The following KCNMA1 variants were observed in gnomAD, a reference collection of about 807,000 sequenced individuals.
KCNMA1 encodes potassium calcium-activated channel subfamily M alpha 1.
A neutral mutation model predicts 140.0 loss-of-function variants in KCNMA1; 29 were observed. The ratio of observed to expected loss-of-function variants is 0.21; its 90% CI spans 0.15 to 0.28. The LOEUF (loss-of-function observed/expected upper bound fraction) is 0.28. Among genes scored for constraint, KCNMA1 ranks in the 10% least tolerant of loss-of-function variants. The pLI is 1.00. For missense variants in KCNMA1, 880 were observed against 1,602.2 expected (o/e 0.55, Z 7.70); for synonymous variants, 612 against 611.9 (o/e 1.00, Z 0.00).
At chr10:77,322,336 G>A (rs898201671) in intron 2 of KCNMA1, among the ~76,000 whole-genome samples, 3 of 152,218 alleles carry the variant, frequency 2.0e-5, no homozygotes, top group Admixed American at 1.3e-4. Context: ...GAGACTTCAT[G>A]ATGTTGTTAC....
chr10:77,400,732 T>C (rs2096236648), intron 2 of KCNMA1, among the ~76,000 whole-genome samples: 1 of 152,156 alleles, frequency 6.6e-6, no homozygotes, highest in Non-Finnish European at 1.5e-5. Flanking sequence ...AATGAACCCC[T>C]ACAACACAAC....
intron 2 of KCNMA1, among the ~76,000 whole-genome samples, chr10:77,351,397 C>G (rs1012204917): frequency 3.3e-5 from 5 of 152,192 alleles, no homozygotes; most frequent in African/African-American, 1.2e-4. Context: ...CTCTGCCAGA[C>G]TCCAGCCTAT....
At chr10:76,931,341 T>C (rs555884773) in intron 23 of KCNMA1, among the ~76,000 whole-genome samples, 3 of 152,144 alleles carry the variant, frequency 2.0e-5, no homozygotes, top group Admixed American at 1.3e-4. Flanking sequence ...ATCATTAGGG[T>C]AGACAAAACT....
At chr10:77,160,249 C>G (rs7923581) in intron 5 of KCNMA1, among the ~76,000 whole-genome samples, 24,276 of 152,158 alleles carry the variant, frequency 0.16, 2,287 homozygotes, top group Middle Eastern at 0.24. Flanking sequence ...AATATTCACA[C>G]CAGTCCACTT....
chr10:77,110,480 G>A (rs565404007), intron 7 of KCNMA1, 137 bp from the exon 8 acceptor site: 16 of 794,174 alleles, frequency 2.0e-5, no homozygotes, highest in Middle Eastern at 3.5e-4. Context: ...TGTGGTTCCC[G>A]GGCTGAGTTC....
chr10:77,382,885 A>AAAATAT (rs1555265196), intron 2 of KCNMA1, among the ~76,000 whole-genome samples: 10 of 91,316 alleles, frequency 1.1e-4, no homozygotes, highest in African/African-American at 4.8e-4. Flanking sequence ...AAAAAAAAAA[A>AAAATAT]ATATATATAT....
At chr10:76,927,988 A>C (rs1045077047) in intron 23 of KCNMA1, among the ~76,000 whole-genome samples, 2 of 152,164 alleles carry the variant, frequency 1.3e-5, no homozygotes, top group Non-Finnish European at 2.9e-5. Flanking sequence ...CTTTAATTTC[A>C]GGAGAAATAT....
At chr10:77,237,510 C>A (rs542502774) in intron 3 of KCNMA1, among the ~76,000 whole-genome samples, 1 of 152,306 alleles carries the variant, frequency 6.6e-6, no homozygotes, top group South Asian at 2.1e-4. Flanking sequence ...CAGGCTGGAA[C>A]ACAGTGGTGC....
At chr10:77,112,227 T>C (rs1156423807) in intron 7 of KCNMA1, 140 bp downstream of exon 7, 21 of 697,998 alleles carry the variant, frequency 3.0e-5, no homozygotes, top group Non-Finnish European at 5.5e-5. Flanking sequence ...ACCCAGACAA[T>C]TGTGTGGTTG....
At position 77,385,588 on chromosome 10, in the gene KCNMA1, G is replaced by C. The variant is rs1333234390; in HGVS notation, c.540+18274C>G. Among the ~76,000 whole-genome samples, 3 of 152,218 alleles carry C rather than the reference G, an allele frequency of 2.0e-5. No individual in the cohort carries two copies. In the East Asian group the frequency reaches 5.8e-4, roughly 29 times the overall value. On this transcript the variant is annotated intron_variant, in intron 2 of 27. Coordinates refer to ENST00000286628, the MANE Select transcript of KCNMA1 (RefSeq NM_001161352.2). ...ACCACTCAGCCTCATTGCCTTTAGA[G>C]TGGATAAGTCACATTCACAAGTGTA...
chr10:77,417,946 G>A (rs2096779380), intron 1 of KCNMA1, among the ~76,000 whole-genome samples: 1 of 152,184 alleles, frequency 6.6e-6, no homozygotes, highest in African/African-American at 2.4e-5. Context: ...AGCCCAGCCT[G>A]AGGAACCAGG....
chr10:77,383,456 A>G (rs2095496940), intron 2 of KCNMA1, among the ~76,000 whole-genome samples: 1 of 151,386 alleles, frequency 6.6e-6, no homozygotes, highest in Non-Finnish European at 1.5e-5. Context: ...TAAAATATAC[A>G]TAAGATAAAA....
chr10:76,886,987 G>A lies in KCNMA1; in HGVS notation c.*279C>T. On this transcript the variant is annotated 3_prime_UTR_variant, in exon 28 of 28. Coordinates refer to ENST00000286628, the MANE Select transcript of KCNMA1 (RefSeq NM_001161352.2). ...CCTTCTAATCTGTGAACTCGTTCCT[G>A]CAGTGAGCTATTTATGTCTGGAGCA... 1 of 1,273,366 alleles carries A rather than the reference G, an allele frequency of 7.9e-7. No homozygotes were observed. Among genetic ancestry groups the A allele is most frequent in the Non-Finnish European group, 1.0e-6 (1 of 997,536 alleles). 78.9% of individuals were successfully genotyped at this position (1,273,366 alleles called of 1,614,324 possible).
intron 18 of KCNMA1, among the ~76,000 whole-genome samples, chr10:77,007,757 A>G (rs1177621273): frequency 6.6e-6 from 1 of 150,952 alleles, no homozygotes; most frequent in Non-Finnish European, 1.5e-5. Context: ...AAGGAGACCA[A>G]GTATAATTTA....
chr10:77,633,817 G>A (rs2093461302), intron 1 of KCNMA1, among the ~76,000 whole-genome samples: 3 of 152,156 alleles, frequency 2.0e-5, no homozygotes. Flanking sequence ...ACAAACCACA[G>A]CTCCAACAGG....
intron 9 of KCNMA1, among the ~76,000 whole-genome samples, chr10:77,106,769 T>C (rs924227159): frequency 1.3e-5 from 2 of 152,178 alleles, no homozygotes; most frequent in Admixed American, 6.5e-5. Flanking sequence ...CCTCTTGGCA[T>C]GGGATACATG....
At chr10:77,552,390 C>T (rs1390796421) in intron 1 of KCNMA1, among the ~76,000 whole-genome samples, 1 of 152,146 alleles carries the variant, frequency 6.6e-6, no homozygotes, top group Non-Finnish European at 1.5e-5. Flanking sequence ...CATATGAAAA[C>T]AGGAACAAGA....
intron 1 of KCNMA1, 35 bp downstream of exon 1, chr10:77,637,230 T>TGGCGCAGAGGGCG (rs2093854631): frequency 6.4e-7 from 1 of 1,558,372 alleles, no homozygotes; most frequent in African/African-American, 1.4e-5. Flanking sequence ...GCGGTGGGGC[T>TGGCGCAGAGGGCG]GGCGCAGAGG....
intron 1 of KCNMA1, among the ~76,000 whole-genome samples, chr10:77,432,544 T>C: frequency 6.6e-6 from 1 of 152,080 alleles, no homozygotes; most frequent in African/African-American, 2.4e-5. Flanking sequence ...CTCACTCAAA[T>C]GAGGGACCTA....
Sources: allele counts gnomAD v4.1 joint callset (sites outside exome capture counted in the v4.1 genomes callset), GRCh38; gene constraint gnomAD v4.1.1; transcripts MANE v1.5; gene names NCBI Gene and HGNC (gene_info 2026-07-23, HGNC 2026-07-21).